NUBPL: variants seen among roughly 807,000 people sequenced by gnomAD.
The protein encoded by NUBPL is NUBP iron-sulfur cluster assembly factor, mitochondrial.
In NUBPL, 31 loss-of-function variants were observed where a neutral mutation model predicts 45.7. The ratio of observed to expected loss-of-function variants is 0.68; its 90% CI spans 0.51 to 0.92. The LOEUF (loss-of-function observed/expected upper bound fraction) is 0.92, where lower values mean the gene tolerates loss of function less well. NUBPL is among the 40% of genes least tolerant of loss of function. The probability of loss-of-function intolerance (pLI) is 0.00; values close to 1 mark genes in which losing one functional copy is unlikely to be tolerated. For missense variants in NUBPL, 401 were observed against 398.7 expected (o/e 1.01, Z -0.05); for synonymous variants, 144 against 140.9 (o/e 1.02, Z -0.15).
intron 8 of NUBPL, among the ~76,000 whole-genome samples, chr14:31,835,963 C>G (rs2040275101): frequency 1.3e-5 from 2 of 152,154 alleles, no homozygotes; most frequent in Admixed American, 1.3e-4. Context: ...AACCAGCAAG[C>G]ATTTAACCTG....
intron 4 of NUBPL, among the ~76,000 whole-genome samples, chr14:31,659,386 G>A (rs1039209652): frequency 6.6e-6 from 1 of 152,122 alleles, no homozygotes; most frequent in Non-Finnish European, 1.5e-5. Context: ...GACTCTACCT[G>A]GTTTTAGTAG....
chr14:31,700,856 C>T (rs1222655734), intron 6 of NUBPL, among the ~76,000 whole-genome samples: 2 of 152,106 alleles, frequency 1.3e-5, no homozygotes, highest in East Asian at 3.9e-4. Flanking sequence ...TCCCTCACGG[C>T]CTGAGCCTCC....
intron 4 of NUBPL, among the ~76,000 whole-genome samples, chr14:31,657,253 AT>A (rs1158119925): frequency 1.3e-5 from 2 of 152,110 alleles, no homozygotes; most frequent in African/African-American, 4.8e-5. Context: ...TGTGCTTTTT[AT>A]TACTTCTTTA....
chr14:31,562,306 A>G, intron 2 of NUBPL, 91 bp downstream of exon 2: 12 of 1,272,622 alleles, frequency 9.4e-6, no homozygotes, highest in Non-Finnish European at 1.1e-5. Flanking sequence ...TGTTTTAAAA[A>G]TTTATTTGTG....
intron 4 of NUBPL, among the ~76,000 whole-genome samples, chr14:31,628,934 TAC>T (rs1349558894): frequency 6.6e-6 from 1 of 152,202 alleles, no homozygotes; most frequent in Non-Finnish European, 1.5e-5. Context: ...TGACTATAAG[TAC>T]AGTTTGGTGC....
intron 6 of NUBPL, among the ~76,000 whole-genome samples, chr14:31,738,427 G>A (rs1351018630): frequency 6.6e-6 from 1 of 152,144 alleles, no homozygotes; most frequent in Non-Finnish European, 1.5e-5. Flanking sequence ...AGATACATAT[G>A]ACTGGGGACT....
chr14:31,619,990 C>CT (rs1485860473), intron 4 of NUBPL, among the ~76,000 whole-genome samples: 1 of 151,766 alleles, frequency 6.6e-6, no homozygotes, highest in Non-Finnish European at 1.5e-5. Context: ...TCTTTTAACT[C>CT]TTTTTTCACT....
chr14:31,632,370 G>A (rs1218945627), intron 4 of NUBPL, among the ~76,000 whole-genome samples: 1 of 152,158 alleles, frequency 6.6e-6, no homozygotes, highest in Non-Finnish European at 1.5e-5. Flanking sequence ...CAGAGAGGAA[G>A]CCAGGAAATT....
chr14:31,605,722 TTTC>T (rs1786823230), intron 4 of NUBPL, among the ~76,000 whole-genome samples: 1 of 151,604 alleles, frequency 6.6e-6, no homozygotes, highest in Non-Finnish European at 1.5e-5. Context: ...TTTCTTCTTC[TTTC>T]TTCTTTCTTC....
intron 6 of NUBPL, among the ~76,000 whole-genome samples, chr14:31,746,839 G>GT (rs1185071313): frequency 6.6e-6 from 1 of 151,888 alleles, no homozygotes; most frequent in Non-Finnish European, 1.5e-5. Flanking sequence ...GGAAGCCAAG[G>GT]TGGGTGGATT....
At chr14:31,713,713 G>A (rs906007062) in intron 6 of NUBPL, among the ~76,000 whole-genome samples, 3 of 152,062 alleles carry the variant, frequency 2.0e-5, no homozygotes, top group African/African-American at 7.2e-5. Flanking sequence ...ATTCTAGGCA[G>A]CCCTCTCTTT....
chr14:31,836,732 C>T (rs749930235), intron 8 of NUBPL, among the ~76,000 whole-genome samples: 1 of 152,058 alleles, frequency 6.6e-6, no homozygotes, highest in Non-Finnish European at 1.5e-5. Flanking sequence ...CCCAGCTAAC[C>T]CCATGTTTTG....
At chr14:31,775,017 G>T (rs2039074581) in intron 6 of NUBPL, among the ~76,000 whole-genome samples, 1 of 152,144 alleles carries the variant, frequency 6.6e-6, no homozygotes. Context: ...CAGTAAATGA[G>T]ACAAAGACCA....
chr14:31,666,136 T>C (rs938750799), intron 4 of NUBPL, among the ~76,000 whole-genome samples: 3 of 149,388 alleles, frequency 2.0e-5, no homozygotes, highest in African/African-American at 7.3e-5. Flanking sequence ...GAGATGGGTC[T>C]CCTGAATACA....
At chr14:31,572,136 C>CT (rs969004548) in intron 3 of NUBPL, among the ~76,000 whole-genome samples, 48 of 146,902 alleles carry the variant, frequency 3.3e-4, no homozygotes, top group African/African-American at 6.2e-4. Context: ...TAGCTAGATT[C>CT]TTTTTTTTTT....
chr14:31,672,826 A>G (rs1176458099), intron 4 of NUBPL, among the ~76,000 whole-genome samples: 2 of 152,218 alleles, frequency 1.3e-5, no homozygotes, highest in Admixed American at 6.5e-5. Flanking sequence ...TGTTGTGTCT[A>G]TTGGAAATAG....
chr14:31,711,109 C>A (rs573660536), intron 6 of NUBPL, among the ~76,000 whole-genome samples: 2 of 152,324 alleles, frequency 1.3e-5, no homozygotes, highest in South Asian at 4.1e-4. Context: ...ATGGGTGAGT[C>A]TCGCTTGGGC....
At chr14:31,811,465 C>T (rs1324541023) in intron 7 of NUBPL, among the ~76,000 whole-genome samples, 1 of 152,190 alleles carries the variant, frequency 6.6e-6, no homozygotes, top group Non-Finnish European at 1.5e-5. Context: ...GTTTTCAGCT[C>T]CTTCAGGTCA....
At chr14:31,849,174 A>G (rs972951461) in intron 9 of NUBPL, among the ~76,000 whole-genome samples, 3 of 152,222 alleles carry the variant, frequency 2.0e-5, no homozygotes, top group Non-Finnish European at 2.9e-5. Context: ...ATATACTGTA[A>G]TATTTTTATA....
Sources: gnomAD v4.1 joint callset for allele counts (sites outside exome capture counted in the v4.1 genomes callset) on GRCh38, gnomAD v4.1.1 for gene constraint, MANE v1.5 for transcripts, NCBI Gene and HGNC (gene_info 2026-07-23, HGNC 2026-07-21) for gene names.